The following PACSIN2 variants were observed in gnomAD, a reference collection of about 807,000 sequenced individuals.
PACSIN2 encodes protein kinase C and casein kinase substrate in neurons protein 2.
PACSIN2 carries 25 observed loss-of-function variants against 63.8 expected under a neutral mutation model. The observed-to-expected ratio is 0.39, with a 90% CI of 0.29 to 0.55. The LOEUF is 0.55. Ranked by LOEUF, PACSIN2 falls within the 20% of genes least tolerant of loss-of-function variation. PACSIN2 has a pLI of 0.62. For synonymous variants in PACSIN2, 255 were observed against 256.2 expected (o/e 1.00, Z 0.05); for missense variants, 518 against 646.9 (o/e 0.80, Z 2.16).
intron 1 of PACSIN2, among the ~76,000 whole-genome samples, chr22:43,002,087 A>G (rs1368507419): frequency 6.6e-6 from 1 of 152,178 alleles, no homozygotes; most frequent in Non-Finnish European, 1.5e-5. Context: ...AAGGCAAGCA[A>G]GCACCAGTGC....
At chr22:42,905,321 G>A (rs144713575) in intron 2 of PACSIN2, among the ~76,000 whole-genome samples, 148 of 152,370 alleles carry the variant, frequency 9.7e-4, no homozygotes, top group African/African-American at 3.2e-3. Flanking sequence ...CGATGCTCCC[G>A]CGTGTGGCTG....
At chr22:43,008,268 TGA>T (rs1924227741) in intron 1 of PACSIN2, among the ~76,000 whole-genome samples, 1 of 152,192 alleles carries the variant, frequency 6.6e-6, no homozygotes, top group South Asian at 2.1e-4. Context: ...CTTTTTTTTT[TGA>T]GACAGAGTCT....
intron 5 of PACSIN2, 77 bp from the exon 6 acceptor site, chr22:42,884,638 A>G (rs1929344645): frequency 8.6e-7 from 1 of 1,164,232 alleles, no homozygotes; most frequent in East Asian, 2.4e-5. Context: ...GGAGTGTCTC[A>G]GGCCTTCCCA....
chr22:43,014,392 G>A (rs1223029288), intron 1 of PACSIN2, among the ~76,000 whole-genome samples: 4 of 149,614 alleles, frequency 2.7e-5, no homozygotes, highest in Non-Finnish European at 5.9e-5. Context: ...GGACACGGAG[G>A]GTGGGAAGGA....
At chr22:42,972,066 G>A (rs547318238) in intron 1 of PACSIN2, among the ~76,000 whole-genome samples, 1 of 152,216 alleles carries the variant, frequency 6.6e-6, no homozygotes, top group Admixed American at 6.5e-5. Context: ...GTCCAATGGG[G>A]GGGGGAAATG....
chr22:42,910,352 C>G (rs542234709), intron 2 of PACSIN2, among the ~76,000 whole-genome samples: 1 of 152,348 alleles, frequency 6.6e-6, no homozygotes, highest in South Asian at 2.1e-4. Context: ...GTGTTGAGAA[C>G]AAGGGCCTGC....
chr22:42,888,020 C>A (rs1390301619), intron 5 of PACSIN2, among the ~76,000 whole-genome samples: 1 of 151,662 alleles, frequency 6.6e-6, no homozygotes, highest in Non-Finnish European at 1.5e-5. Context: ...CCCAGACAAG[C>A]GCTCCCAGCC....
At chr22:42,907,292 G>A (rs1299615392) in intron 2 of PACSIN2, among the ~76,000 whole-genome samples, 1 of 152,232 alleles carries the variant, frequency 6.6e-6, no homozygotes, top group Non-Finnish European at 1.5e-5. Flanking sequence ...TCCCAGCAGG[G>A]CAGGGAGCCA....
chr22:42,927,018 C>T (rs992067361), intron 1 of PACSIN2, among the ~76,000 whole-genome samples: 4 of 152,138 alleles, frequency 2.6e-5, no homozygotes, highest in African/African-American at 9.7e-5. Flanking sequence ...ACTGCCAAGC[C>T]CATGATGATT....
In PACSIN2 at chr22:42,943,576, T is replaced by C. The variant is rs551906021; in HGVS notation, c.-77-31419A>G. ...CTTCTGTTCCTGGTTTGCTGAGTGTTTCTGTCATGAAGAGGTGTTGCTTGG... is the reference window on the plus strand; with the variant it reads ...CTTCTGTTCCTGGTTTGCTGAGTGTCTCTGTCATGAAGAGGTGTTGCTTGG... On this transcript the variant is annotated intron_variant, in intron 1 of 10. Transcript: ENST00000263246. 4.6e-5 allele frequency among the ~76,000 whole-genome samples: 7 copies of C among 152,366 alleles called. No homozygotes were observed. In the East Asian group the frequency reaches 1.3e-3, roughly 29 times the overall value.
intron 1 of PACSIN2, among the ~76,000 whole-genome samples, chr22:42,918,598 G>C (rs565823500): frequency 2.0e-4 from 30 of 152,340 alleles, no homozygotes; most frequent in African/African-American, 7.0e-4. Flanking sequence ...GCTAGGCTGA[G>C]ACTCAACCCA....
At chr22:42,981,258 G>A (rs1285922202) in intron 1 of PACSIN2, among the ~76,000 whole-genome samples, 14 of 125,750 alleles carry the variant, frequency 1.1e-4, no homozygotes, top group East Asian at 2.8e-4. Context: ...CAACCGCCCC[G>A]TCTGAGAAGT....
intron 1 of PACSIN2, among the ~76,000 whole-genome samples, chr22:42,949,290 C>A (rs573952539): frequency 6.6e-6 from 1 of 152,174 alleles, no homozygotes; most frequent in African/African-American, 2.4e-5. Context: ...GCCTTCCCAG[C>A]CTTCTTGCTC....
chr22:42,934,370 C>T (rs978415635), intron 1 of PACSIN2, among the ~76,000 whole-genome samples: 2 of 152,086 alleles, frequency 1.3e-5, no homozygotes, highest in Non-Finnish European at 2.9e-5. Flanking sequence ...ATCGCCTTTT[C>T]CCTTCTTTTC....
At chr22:42,972,725 A>AC (rs1426939325) in intron 1 of PACSIN2, among the ~76,000 whole-genome samples, 5 of 152,054 alleles carry the variant, frequency 3.3e-5, no homozygotes, top group Admixed American at 1.3e-4. Flanking sequence ...GCCTCACTCT[A>AC]AGAAAAGTCA....
At chr22:42,912,258 A>C (rs1601508043) in intron 1 of PACSIN2, 101 bp from the exon 2 acceptor site, 2 of 559,610 alleles carry the variant, frequency 3.6e-6, no homozygotes, top group Non-Finnish European at 6.2e-6. Context: ...CACTGCCTTC[A>C]GTACAGGGCG....
At chr22:42,967,210 G>A (rs547729428) in intron 1 of PACSIN2, among the ~76,000 whole-genome samples, 1 of 152,204 alleles carries the variant, frequency 6.6e-6, no homozygotes, top group Non-Finnish European at 1.5e-5. Context: ...GCTGAATCAC[G>A]TAAACAAGGG....
chr22:42,906,175 C>A lies in PACSIN2; in HGVS notation c.60+5846G>T, dbSNP rs138518656. ...AGGACAAGGGACTGTCCCTGTCACA[C>A]TCACCTCTGTGTCCCAGCCCCAAGC... On this transcript the variant is annotated intron_variant, in intron 2 of 10. Coordinates refer to ENST00000263246, the MANE Select transcript of PACSIN2 (RefSeq NM_001184970.3). 3.3e-4 allele frequency among the ~76,000 whole-genome samples: 51 copies of A among 152,396 alleles called. No homozygotes were observed. In the East Asian group the frequency reaches 9.1e-3, roughly 27 times the overall value.
rs1478760752 is a variant in PACSIN2, at chr22:43,014,369, C to CT, written c.-78+651_-78+652insA. Among the ~76,000 whole-genome samples, 10 of 15,494 alleles carry CT rather than the reference C, an allele frequency of 6.5e-4. 1 individual carries two copies. The highest frequency in any genetic ancestry group is 1.1e-3 in the Non-Finnish European group (10 of 8,822). 10.2% of individuals were successfully genotyped at this position (15,494 alleles called of 152,430 possible). A position where few individuals can be genotyped will look rare whatever the true frequency, so the allele number is the denominator to read the frequency against. On this transcript the variant is annotated intron_variant, in intron 1 of 10. Transcript: ENST00000263246. The stretch of plus-strand genomic sequence containing the variant: ...ACACACACAGACACACACACACCAC[C>CT]CCCCCCCCCCCGGGACACGGAGGGT...
Sources: gnomAD v4.1 joint callset for allele counts (sites outside exome capture counted in the v4.1 genomes callset) on GRCh38, gnomAD v4.1.1 for gene constraint, MANE v1.5 for transcripts, NCBI Gene and HGNC (gene_info 2026-07-23, HGNC 2026-07-21) for gene names.